The following SHQ1 variants were observed in gnomAD, a reference collection of about 807,000 sequenced individuals.
SHQ1 encodes the protein protein SHQ1 homolog.
Under a neutral mutation model 53.8 loss-of-function variants are expected in SHQ1, and 49 were observed. That is an observed-to-expected ratio of 0.91 (90% CI 0.72 to 1.16). The LOEUF (loss-of-function observed/expected upper bound fraction) is 1.16. SHQ1 is among the 50% of genes most tolerant of loss of function. SHQ1 has a pLI of 0.00. For missense variants in SHQ1, 738 were observed against 683.1 expected (o/e 1.08, Z -0.90); for synonymous variants, 243 against 251.0 (o/e 0.97, Z 0.30).
At chr3:72,771,341 TC>T (rs1307938972) in intron 10 of SHQ1, among the ~76,000 whole-genome samples, 2 of 152,166 alleles carry the variant, frequency 1.3e-5, no homozygotes, top group African/African-American at 4.8e-5. Context: ...AGATTCCAGT[TC>T]CAAAAAGTTA....
At chr3:72,733,839 G>A in the SHQ1 span, among the ~76,000 whole-genome samples, 48 of 151,610 alleles carry the variant, frequency 3.2e-4, 1 homozygote, top group Admixed American at 1.1e-3. Flanking sequence ...ACTTAATGAC[G>A]TGGTGCACTT....
intron 9 of SHQ1, among the ~76,000 whole-genome samples, chr3:72,811,452 C>T (rs1394203423): frequency 6.6e-6 from 1 of 152,064 alleles, no homozygotes; most frequent in African/African-American, 2.4e-5. Context: ...AGAAATAACA[C>T]ATGAAAAAAC....
At chr3:72,742,799 G>T in the SHQ1 span, among the ~76,000 whole-genome samples, 790 of 151,814 alleles carry the variant, frequency 5.2e-3, 9 homozygotes, top group African/African-American at 0.018. Context: ...TAATTTTTTT[G>T]TATTTTTAGT....
At chr3:72,741,458 C>T in the SHQ1 span, among the ~76,000 whole-genome samples, 112 of 152,202 alleles carry the variant, frequency 7.4e-4, no homozygotes, top group Admixed American at 2.2e-3. Context: ...TGGTGGCAGA[C>T]GCCTGTAATC....
chr3:72,784,942 T>C lies in SHQ1; in HGVS notation c.1181+7974A>G, dbSNP rs140459989. On this transcript the variant is annotated intron_variant, in intron 10 of 10. Coordinates refer to ENST00000325599, the MANE Select transcript of SHQ1 (RefSeq NM_018130.3). ...TTGAGGTGGCTGTATGTCCTCCAGC[T>C]TCACTTTCTTAGAAATGCCACTCAC... Among the ~76,000 whole-genome samples, 764 of 152,296 alleles carry C rather than the reference T, an allele frequency of 5.0e-3. 10 individuals are homozygous for C. The highest frequency in any genetic ancestry group is 4.5e-3 in the Non-Finnish European group (306 of 68,026).
intron 10 of SHQ1, among the ~76,000 whole-genome samples, chr3:72,765,553 ATATAT>A (rs1309261473): frequency 2.5e-4 from 21 of 85,408 alleles, no homozygotes; most frequent in Admixed American, 2.4e-3. Flanking sequence ...ATATATATAT[ATATAT>A]TTTTTTTTTT....
intron 10 of SHQ1, among the ~76,000 whole-genome samples, chr3:72,781,610 T>C (rs1052032300): frequency 2.0e-5 from 3 of 152,110 alleles, no homozygotes; most frequent in African/African-American, 7.2e-5. Flanking sequence ...AGTCTTTAAT[T>C]GGCAGAGACT....
intron 10 of SHQ1, among the ~76,000 whole-genome samples, chr3:72,758,832 G>A (rs1705555062): frequency 6.6e-6 from 1 of 152,182 alleles, no homozygotes; most frequent in African/African-American, 2.4e-5. Flanking sequence ...CTTCCAAAGA[G>A]CTGGGATTAC....
intron 9 of SHQ1, among the ~76,000 whole-genome samples, chr3:72,808,093 A>T (rs1413697983): frequency 6.6e-6 from 1 of 152,198 alleles, no homozygotes; most frequent in African/African-American, 2.4e-5. Context: ...AATTTAGAAA[A>T]CTGTCCAAAT....
intron 10 of SHQ1, 124 bp downstream of exon 10, chr3:72,792,784 CAAAAAAAA>C: frequency 1.9e-5 from 5 of 258,082 alleles, no homozygotes; most frequent in Non-Finnish European, 2.5e-5. Context: ...ACCTCCATCT[CAAAAAAAA>C]AAAAAAAAAA....
intron 10 of SHQ1, among the ~76,000 whole-genome samples, chr3:72,754,555 ATT>A (rs1315063250): frequency 6.6e-6 from 1 of 151,834 alleles, no homozygotes; most frequent in Non-Finnish European, 1.5e-5. Flanking sequence ...CTAATTTTAT[ATT>A]TTTAGTAGAG....
At chr3:72,737,087 T>A in the SHQ1 span, among the ~76,000 whole-genome samples, 1 of 151,908 alleles carries the variant, frequency 6.6e-6, no homozygotes, top group Non-Finnish European at 1.5e-5. Flanking sequence ...TGGCCTAACA[T>A]AATGAAACCC....
At position 72,751,529 on chromosome 3, in the gene SHQ1, T is replaced by TATATACACAC. The variant is rs1491584090; in HGVS notation, c.1182-694_1182-693insGTGTGTATAT. 2.7e-4 allele frequency among the ~76,000 whole-genome samples: 37 copies of TATATACACAC among 138,028 alleles called. 1 individual carries two copies. The highest frequency in any genetic ancestry group is 1.1e-3 in the African/African-American group (37 of 34,012). The allele number at this position is 138,028 out of a possible 152,430, so 90.6% of individuals were successfully genotyped here. ...GTGTGTATATATATATATATATATA[T>TATATACACAC]ACATATACATACACTAATAAAGCCT... is the stretch of plus-strand genomic sequence containing the variant. On this transcript the variant is annotated intron_variant, in intron 10 of 10. Coordinates refer to ENST00000325599, the MANE Select transcript of SHQ1 (RefSeq NM_018130.3).
the SHQ1 span, among the ~76,000 whole-genome samples, chr3:72,732,384 GCCTGCCTTCCTTCCTTCCTT>G: frequency 4.6e-5 from 4 of 87,056 alleles, no homozygotes; most frequent in African/African-American, 2.0e-4. Context: ...CTGCCTGCCT[GCCTGCCTTCCTTCCTTCCTT>G]CCTTCCTTCC....
At chr3:72,799,363 T>C (rs1365709478) in intron 9 of SHQ1, among the ~76,000 whole-genome samples, 1 of 152,188 alleles carries the variant, frequency 6.6e-6, no homozygotes, top group African/African-American at 2.4e-5. Flanking sequence ...GATGAGACCA[T>C]ATTATCAAAA....
the SHQ1 span, among the ~76,000 whole-genome samples, chr3:72,736,919 G>A: frequency 1.4e-3 from 220 of 151,792 alleles, no homozygotes; most frequent in Non-Finnish European, 1.6e-3. Context: ...TCCACTTTCC[G>A]AAGTGCAAAA....
At chr3:72,782,680 A>T (rs181944739) in intron 10 of SHQ1, among the ~76,000 whole-genome samples, 1 of 152,332 alleles carries the variant, frequency 6.6e-6, no homozygotes, top group Non-Finnish European at 1.5e-5. Context: ...ATGTTATAAC[A>T]AAGATTGGGT....
rs1183562925 is a variant in SHQ1, at chr3:72,785,521, T to C, written c.1181+7395A>G. On this transcript the variant is annotated intron_variant, in intron 10 of 10. Coordinates refer to ENST00000325599, the MANE Select transcript of SHQ1 (RefSeq NM_018130.3). ...GGCTCCGGCACACAGACTAGAGAGATAGGATTTCTTATCTGACCCTATTAC... is the reference window on the plus strand; with the variant it reads ...GGCTCCGGCACACAGACTAGAGAGACAGGATTTCTTATCTGACCCTATTAC... Among the ~76,000 whole-genome samples, 5 of 152,304 alleles carry C rather than the reference T, an allele frequency of 3.3e-5. No individual in the cohort carries two copies. The East Asian group carries it at 7.7e-4, about 23-fold the overall frequency.
chr3:72,832,412 G>C lies in SHQ1; in HGVS notation c.556C>G (p.Arg186Gly). The C allele has an allele frequency of 6.2e-7, 1 of 1,612,734 alleles. No homozygotes were observed. The highest frequency in any genetic ancestry group is 8.5e-7 in the Non-Finnish European group (1 of 1,179,936). Residue 186 changes from arginine (R) to glycine (G), a missense_variant, in exon 5 of 11, where the codon CGC (arginine) becomes GGC (glycine). Physicochemically the swap from Arg to Gly is moderately radical, Grantham distance 125. Coordinates refer to ENST00000325599, the MANE Select transcript of SHQ1 (RefSeq NM_018130.3). The stretch of plus-strand genomic sequence containing the variant: ...AACTTGGCCAGCTCAGCGGCCAGGC[G>C]CTTCTGTCTTCGTTCAGCTGCAGGG... Reference protein sequence around the residue: ...FTPAAERRQKRLAAELAKFDP... With the variant: ...FTPAAERRQKGLAAELAKFDP...
Sources: allele counts gnomAD v4.1 joint callset (sites outside exome capture counted in the v4.1 genomes callset), GRCh38; gene constraint gnomAD v4.1.1; transcripts MANE v1.5; gene names NCBI Gene and HGNC (gene_info 2026-07-23, HGNC 2026-07-21).